The following NCKAP5 variants were observed in gnomAD, a reference collection of about 807,000 sequenced individuals.
NCKAP5 encodes the protein NCK associated protein 5.
A neutral mutation model predicts 167.0 loss-of-function variants in NCKAP5; 92 were observed. The observed-to-expected ratio is 0.55, with a 90% CI of 0.47 to 0.66. The LOEUF (loss-of-function observed/expected upper bound fraction) is 0.66, where lower values mean the gene tolerates loss of function less well. Among genes scored for constraint, NCKAP5 ranks in the 30% least tolerant of loss-of-function variants. NCKAP5 has a pLI of 0.00. For synonymous variants in NCKAP5, 891 were observed against 877.4 expected, an observed-to-expected ratio of 1.02 and a Z score of -0.27; for missense variants, 2,378 against 2,315.0, an observed-to-expected ratio of 1.03 and a Z score of -0.56.
In NCKAP5 at chr2:132,781,054, G is replaced by A; in HGVS notation, c.5047C>T (p.Leu1683=). Residue 1683 remains leucine (L), a splice_region_variant and synonymous_variant, in exon 15 of 20, where the codon CTG becomes TTG. Coordinates refer to ENST00000409261, the MANE Select transcript of NCKAP5 (RefSeq NM_207363.3). ...KADMEVPKDS[L]VKEANENLQE... ...TACCAGGATGGTGGAGCACTTACCA[G>A]GGAGTCTTTTGGTACTTCCATATCG... 2 of 1,613,134 alleles carry A rather than the reference G, an allele frequency of 1.2e-6. No homozygotes were observed. The highest frequency in any genetic ancestry group is 1.3e-5 in the African/African-American group (1 of 75,014).
At chr2:133,249,280 A>G (rs1418266583) in intron 4 of NCKAP5, among the ~76,000 whole-genome samples, 1 of 152,150 alleles carries the variant, frequency 6.6e-6, no homozygotes, top group Non-Finnish European at 1.5e-5. Context: ...AGGAACTCGA[A>G]AGAGTCAAAG....
intron 5 of NCKAP5, among the ~76,000 whole-genome samples, chr2:133,141,807 A>G (rs1345346545): frequency 1.3e-5 from 2 of 152,160 alleles, no homozygotes; most frequent in East Asian, 1.9e-4. Context: ...CCATTATTTC[A>G]TCGTAGATTA....
At chr2:132,761,947 C>A (rs1314958814) in intron 16 of NCKAP5, among the ~76,000 whole-genome samples, 2 of 152,124 alleles carry the variant, frequency 1.3e-5, no homozygotes, top group African/African-American at 2.4e-5. Context: ...ACAAAAGGGA[C>A]CCTTGGACTC....
At chr2:133,211,277 C>T (rs951304112) in intron 5 of NCKAP5, among the ~76,000 whole-genome samples, 2 of 152,138 alleles carry the variant, frequency 1.3e-5, no homozygotes, top group Non-Finnish European at 2.9e-5. Flanking sequence ...GTCACCCAGG[C>T]TGGGATGCAG....
chr2:133,053,902 T>C (rs1573882501), intron 6 of NCKAP5, among the ~76,000 whole-genome samples: 1 of 152,208 alleles, frequency 6.6e-6, no homozygotes, highest in Non-Finnish European at 1.5e-5. Flanking sequence ...TGCAATCCAA[T>C]AAACAAGAAA....
In NCKAP5 at chr2:132,920,771, G is replaced by GTGTATATATATATA. The variant is rs1219401757; in HGVS notation, c.580-41856_580-41855insTATATATATATACA. Among the ~76,000 whole-genome samples, 51 of 31,578 alleles carry GTGTATATATATATA rather than the reference G, an allele frequency of 1.6e-3. 7 individuals are homozygous for GTGTATATATATATA. The highest frequency in any genetic ancestry group is 2.5e-3 in the Non-Finnish European group (38 of 15,326). The allele number at this position is 31,578 out of a possible 152,430, so 20.7% of individuals were successfully genotyped here. On this transcript the variant is annotated intron_variant, in intron 8 of 19. Transcript: ENST00000409261. ...TATATATATATGTATATATATGTAT[G>GTGTATATATATATA]TATATATATATATATATATATATAT...
intron 5 of NCKAP5, among the ~76,000 whole-genome samples, chr2:133,164,277 G>A (rs1049182597): frequency 1.3e-5 from 2 of 152,192 alleles, no homozygotes; most frequent in African/African-American, 4.8e-5. Context: ...TATCCAAACT[G>A]CTGCTTTTGT....
intron 3 of NCKAP5, among the ~76,000 whole-genome samples, chr2:133,463,680 A>T (rs1347587009): frequency 6.6e-6 from 1 of 152,230 alleles, no homozygotes; most frequent in Admixed American, 6.5e-5. Flanking sequence ...AGTTTATTCC[A>T]TGTTTCCTAC....
chr2:133,412,652 T>G (rs747682484), intron 3 of NCKAP5, among the ~76,000 whole-genome samples: 1 of 152,182 alleles, frequency 6.6e-6, no homozygotes, highest in Non-Finnish European at 1.5e-5. Context: ...AGACCTTAAC[T>G]TTTTCCTGTA....
At chr2:133,260,050 G>A (rs758769484) in intron 4 of NCKAP5, among the ~76,000 whole-genome samples, 2 of 152,190 alleles carry the variant, frequency 1.3e-5, no homozygotes, top group Non-Finnish European at 2.9e-5. Flanking sequence ...AATGCAATGA[G>A]GATGAGGCAG....
Position 133,151,652 on chromosome 2 carries a change from C to T in NCKAP5, c.208-21541G>A, listed in dbSNP as rs1003993315. On this transcript the variant is annotated intron_variant, in intron 5 of 19. Coordinates refer to ENST00000409261, the MANE Select transcript of NCKAP5 (RefSeq NM_207363.3). ...TGATGAGGACCTGGAGCAACAGGAA[C>T]TCTCATTCACTGCTAGTGAAAGTAT... Among the ~76,000 whole-genome samples the T allele has an allele frequency of 2.5e-4, 38 of 152,182 alleles. 1 individual carries two copies. The highest frequency in any genetic ancestry group is 2.5e-3 in the Admixed American group (38 of 15,270).
chr2:133,232,470 G>A (rs2150254207), intron 4 of NCKAP5, among the ~76,000 whole-genome samples: 1 of 152,212 alleles, frequency 6.6e-6, no homozygotes, highest in Non-Finnish European at 1.5e-5. Flanking sequence ...CATTTAAAAG[G>A]TCAAAGGGAA....
intron 2 of NCKAP5, among the ~76,000 whole-genome samples, chr2:133,538,529 C>T (rs1685930339): frequency 6.6e-6 from 1 of 151,354 alleles, no homozygotes; most frequent in Non-Finnish European, 1.5e-5. Context: ...CATATATGAA[C>T]AAATAAACAT....
chr2:133,626,798 T>G, the NCKAP5 span, among the ~76,000 whole-genome samples: 1 of 152,008 alleles, frequency 6.6e-6, no homozygotes, highest in African/African-American at 2.4e-5. Flanking sequence ...GGGCAATAGA[T>G]ACATAGGAAT....
intron 5 of NCKAP5, among the ~76,000 whole-genome samples, chr2:133,160,425 T>A (rs2320540): frequency 7.3e-6 from 1 of 136,522 alleles, no homozygotes; most frequent in Non-Finnish European, 1.5e-5. Flanking sequence ...TTTTTTTTCT[T>A]TTCCTTTCTT....
At chr2:133,277,776 G>T (rs2089789400) in intron 4 of NCKAP5, among the ~76,000 whole-genome samples, 3 of 152,156 alleles carry the variant, frequency 2.0e-5, no homozygotes, top group Non-Finnish European at 4.4e-5. Context: ...ACAGTGTGGT[G>T]CAGGTGCGTG....
At chr2:133,467,683 T>A (rs1350491032) in intron 3 of NCKAP5, among the ~76,000 whole-genome samples, 2 of 149,962 alleles carry the variant, frequency 1.3e-5, no homozygotes, top group Non-Finnish European at 3.0e-5. Context: ...TGCCACAATT[T>A]CAGCTCCTGT....
At chr2:132,830,134 T>G (rs1190684177) in intron 11 of NCKAP5, among the ~76,000 whole-genome samples, 1 of 152,172 alleles carries the variant, frequency 6.6e-6, no homozygotes, top group Non-Finnish European at 1.5e-5. Context: ...GGGCATTACT[T>G]TCTTTCTACT....
chr2:133,325,745 G>A (rs1417000184), intron 3 of NCKAP5, among the ~76,000 whole-genome samples: 1 of 152,188 alleles, frequency 6.6e-6, no homozygotes, highest in Non-Finnish European at 1.5e-5. Flanking sequence ...GATGTCAACT[G>A]GTTCAATGAT....
Sources: allele counts gnomAD v4.1 joint callset (sites outside exome capture counted in the v4.1 genomes callset), GRCh38; gene constraint gnomAD v4.1.1; transcripts MANE v1.5; gene names NCBI Gene and HGNC (gene_info 2026-07-23, HGNC 2026-07-21).